AUTS2: variants seen among roughly 807,000 people sequenced by gnomAD.
AUTS2 encodes autism susceptibility gene 2 protein.
In AUTS2, 17 loss-of-function variants were observed where a neutral mutation model predicts 112.4. The observed-to-expected ratio is 0.15, with a 90% CI of 0.10 to 0.23. The LOEUF (loss-of-function observed/expected upper bound fraction) is 0.23. Ranked by LOEUF, AUTS2 falls within the 10% of genes least tolerant of loss-of-function variation. The pLI is 1.00. For synonymous variants in AUTS2, 751 were observed against 702.7 expected, an observed-to-expected ratio of 1.07 and a Z score of -1.09; for missense variants, 1,510 against 1,701.6, an observed-to-expected ratio of 0.89 and a Z score of 1.98.
chr7:70,103,389 A>G (rs1189224463), intron 2 of AUTS2, among the ~76,000 whole-genome samples: 4 of 152,136 alleles, frequency 2.6e-5, no homozygotes, highest in Admixed American at 1.3e-4. Flanking sequence ...CCTGTAGCTC[A>G]GTACAGCAAA....
chr7:70,000,199 C>T (rs528301270), intron 2 of AUTS2, among the ~76,000 whole-genome samples: 1 of 152,136 alleles, frequency 6.6e-6, no homozygotes, highest in African/African-American at 2.4e-5. Context: ...TGATTCAGTC[C>T]GATACAGTCA....
At chr7:70,035,142 T>C (rs1800944690) in intron 2 of AUTS2, among the ~76,000 whole-genome samples, 2 of 152,216 alleles carry the variant, frequency 1.3e-5, no homozygotes, top group African/African-American at 4.8e-5. Context: ...ATTTTGTACT[T>C]TATGCCACCC....
At chr7:70,516,432 C>T (rs556791154) in intron 5 of AUTS2, among the ~76,000 whole-genome samples, 9 of 152,240 alleles carry the variant, frequency 5.9e-5, no homozygotes, top group African/African-American at 1.7e-4. Flanking sequence ...ATTAAGATTT[C>T]GGAGGTTCTT....
chr7:70,595,305 T>C (rs1803141606), intron 5 of AUTS2, among the ~76,000 whole-genome samples: 1 of 152,210 alleles, frequency 6.6e-6, no homozygotes, highest in African/African-American at 2.4e-5. Context: ...TCAGGAATTA[T>C]TGTGGAAGCT....
chr7:70,187,857 A>C (rs2129582262), intron 4 of AUTS2, among the ~76,000 whole-genome samples: 1 of 137,692 alleles, frequency 7.3e-6, no homozygotes, highest in Non-Finnish European at 1.5e-5. Flanking sequence ...GTTAGTGCTT[A>C]TGCCAGGTAG....
chr7:70,700,712 A>G (rs1809406829), intron 6 of AUTS2, among the ~76,000 whole-genome samples: 1 of 152,182 alleles, frequency 6.6e-6, no homozygotes, highest in African/African-American at 2.4e-5. Flanking sequence ...GTGTAGCGAT[A>G]ATGTCAATAA....
At chr7:69,861,537 G>C (rs1187822879) in intron 1 of AUTS2, among the ~76,000 whole-genome samples, 1 of 152,144 alleles carries the variant, frequency 6.6e-6, no homozygotes, top group Non-Finnish European at 1.5e-5. Flanking sequence ...ATTGAAAAAG[G>C]CTTGCAAGGA....
intron 4 of AUTS2, among the ~76,000 whole-genome samples, chr7:70,167,096 C>T (rs1238411897): frequency 2.0e-5 from 3 of 152,200 alleles, no homozygotes; most frequent in African/African-American, 4.8e-5. Flanking sequence ...TGTGGTGGCT[C>T]ATGCCTGTAA....
chr7:70,574,741 C>T (rs535728224), intron 5 of AUTS2, among the ~76,000 whole-genome samples: 84 of 152,302 alleles, frequency 5.5e-4, no homozygotes, highest in Admixed American at 1.3e-3. Context: ...GGGCAGACCA[C>T]TGGCCCAATT....
At chr7:69,691,710 G>A (rs1425494737) in intron 1 of AUTS2, among the ~76,000 whole-genome samples, 1 of 151,908 alleles carries the variant, frequency 6.6e-6, no homozygotes, top group Non-Finnish European at 1.5e-5. Context: ...CTGTGCCCAG[G>A]AGTGCAGGGC....
intron 6 of AUTS2, among the ~76,000 whole-genome samples, chr7:70,746,928 G>A (rs1788490239): frequency 6.6e-6 from 1 of 152,146 alleles, no homozygotes; most frequent in Admixed American, 6.5e-5. Context: ...GTTTTAAATA[G>A]CGTCACATAA....
rs971902412 is a variant in AUTS2 at position 69,971,688 on chromosome 7, A to G, written c.522+72190A>G. 2.0e-5 allele frequency among the ~76,000 whole-genome samples: 3 copies of G among 152,254 alleles called. No individual in the cohort carries two copies. In the East Asian group the frequency reaches 5.8e-4, roughly 29 times the overall value. ...TTTTTATAATTTTGTCGTCTCAAGAATGTTATATAAATGGAATCATACAGG... is the reference window on the plus strand; with the variant it reads ...TTTTTATAATTTTGTCGTCTCAAGAGTGTTATATAAATGGAATCATACAGG... On this transcript the variant is annotated intron_variant, in intron 2 of 18. Coordinates refer to ENST00000342771, the MANE Select transcript of AUTS2 (RefSeq NM_015570.4).
intron 1 of AUTS2, among the ~76,000 whole-genome samples, chr7:69,736,000 G>A (rs1479209889): frequency 6.6e-6 from 1 of 152,190 alleles, no homozygotes; most frequent in Non-Finnish European, 1.5e-5. Context: ...TGTGTCTGCA[G>A]GGACTTTGTT....
chr7:70,312,190 A>T lies in AUTS2; in HGVS notation c.661-123562A>T, dbSNP rs181257483. Among the ~76,000 whole-genome samples the T allele has an allele frequency of 3.9e-5, 6 of 152,252 alleles. No individual in the cohort carries two copies. The East Asian group carries it at 1.2e-3, about 29-fold the overall frequency. ...TATCTTAAAAGAATCAAAATAAGAA[A>T]GTTACTCTACTTAAATCGTGTGCTT... On this transcript the variant is annotated intron_variant, in intron 4 of 18. Coordinates refer to ENST00000342771, the MANE Select transcript of AUTS2 (RefSeq NM_015570.4).
intron 4 of AUTS2, among the ~76,000 whole-genome samples, chr7:70,260,416 C>G (rs756625052): frequency 7.3e-5 from 11 of 151,662 alleles, no homozygotes; most frequent in Non-Finnish European, 2.9e-5. Context: ...GAATTTATTT[C>G]TGCAGTTATG....
At chr7:70,311,016 A>G (rs1789724848) in intron 4 of AUTS2, among the ~76,000 whole-genome samples, 1 of 152,214 alleles carries the variant, frequency 6.6e-6, no homozygotes, top group African/African-American at 2.4e-5. Context: ...CAGTTTAAAA[A>G]AAAGTAAATT....
intron 5 of AUTS2, among the ~76,000 whole-genome samples, chr7:70,512,280 CT>C (rs1467290033): frequency 6.6e-6 from 1 of 152,094 alleles, no homozygotes. Flanking sequence ...CTTTGCGGGG[CT>C]TTTTTTGGAC....
At chr7:70,263,283 G>A (rs1196076590) in intron 4 of AUTS2, among the ~76,000 whole-genome samples, 3 of 152,130 alleles carry the variant, frequency 2.0e-5, no homozygotes, top group Non-Finnish European at 4.4e-5. Context: ...TTGGGTCAGT[G>A]TAGTACATCT....
rs183691566 is a variant in AUTS2, at chr7:69,851,193, C to T, written c.310-48093C>T. 6.2e-4 allele frequency among the ~76,000 whole-genome samples: 95 copies of T among 152,254 alleles called. 1 individual carries two copies. Among genetic ancestry groups the T allele is most frequent in the Admixed American group, 5.4e-3 (83 of 15,292 alleles). On this transcript the variant is annotated intron_variant, in intron 1 of 18. Coordinates refer to ENST00000342771, the MANE Select transcript of AUTS2 (RefSeq NM_015570.4). ...CTGTTTCTAGGTTCTCTATTCTGTC[C>T]GTTGATCTGCGTGTCTGTCCCTTCG...
Sources: allele counts gnomAD v4.1 joint callset (sites outside exome capture counted in the v4.1 genomes callset), GRCh38; gene constraint gnomAD v4.1.1; transcripts MANE v1.5; gene names NCBI Gene and HGNC (gene_info 2026-07-23, HGNC 2026-07-21).